Variants in AGBL4 observed in about 807,000 individuals in gnomAD.
The protein encoded by AGBL4 is cytosolic carboxypeptidase 6.
Under a neutral mutation model 66.4 loss-of-function variants are expected in AGBL4, and 58 were observed. The ratio of observed to expected loss-of-function variants is 0.87; its 90% CI spans 0.71 to 1.09. The LOEUF (loss-of-function observed/expected upper bound fraction) is 1.09, where lower values mean the gene tolerates loss of function less well. Among genes scored for constraint, AGBL4 ranks in the 50% least tolerant of loss-of-function variants. The pLI, the probability that AGBL4 is intolerant of heterozygous loss-of-function variation, is 0.00. For missense variants in AGBL4, 579 were observed against 631.0 expected (o/e 0.92, Z 0.88); for synonymous variants, 234 against 222.9 (o/e 1.05, Z -0.44).
intron 2 of AGBL4, among the ~76,000 whole-genome samples, chr1:49,724,200 A>T (rs984377293): frequency 6.6e-6 from 1 of 152,218 alleles, no homozygotes; most frequent in African/African-American, 2.4e-5. Context: ...CAAACAGTGT[A>T]GGGCACTCTC....
At chr1:49,256,832 G>A (rs148337655) in intron 3 of AGBL4, among the ~76,000 whole-genome samples, 1 of 152,194 alleles carries the variant, frequency 6.6e-6, no homozygotes, top group Non-Finnish European at 1.5e-5. Flanking sequence ...GGGAATAGAC[G>A]CAATACATAT....
At position 49,333,848 on chromosome 1, in the gene AGBL4, C is replaced by T. The variant is rs1645382715; in HGVS notation, c.283-87984G>A. On this transcript the variant is annotated intron_variant, in intron 3 of 13. Coordinates refer to ENST00000371839, the MANE Select transcript of AGBL4 (RefSeq NM_032785.4). ...ACTCAATCCAACTGGAAAAATACCA[C>T]TATTTAAATTTGTGGGACTTCCATT... Among the ~76,000 whole-genome samples the T allele has an allele frequency of 2.6e-5, 4 of 152,294 alleles. No homozygotes were observed. The South Asian group carries it at 6.2e-4, about 24-fold the overall frequency.
At chr1:49,027,955 C>T (rs1387274234) in intron 5 of AGBL4, among the ~76,000 whole-genome samples, 1 of 152,106 alleles carries the variant, frequency 6.6e-6, no homozygotes, top group East Asian at 1.9e-4. Context: ...ACTGTCCCTG[C>T]CCCCAGTTCT....
intron 6 of AGBL4, among the ~76,000 whole-genome samples, chr1:48,859,998 C>T (rs879514315): frequency 6.6e-5 from 10 of 152,142 alleles, no homozygotes; most frequent in Admixed American, 5.9e-4. Flanking sequence ...AAGATGTTCA[C>T]ACTACATTCG....
At chr1:49,328,486 TTAA>T (rs548468918) in intron 3 of AGBL4, among the ~76,000 whole-genome samples, 137 of 152,336 alleles carry the variant, frequency 9.0e-4, no homozygotes, top group Middle Eastern at 3.4e-3. Flanking sequence ...TACACTTTTA[TTAA>T]TGGGGTCTAG....
intron 1 of AGBL4, among the ~76,000 whole-genome samples, chr1:49,917,439 G>A (rs1041257016): frequency 1.3e-5 from 2 of 151,844 alleles, no homozygotes; most frequent in African/African-American, 4.8e-5. Flanking sequence ...CAATCCTACT[G>A]TCCGATAAAA....
intron 6 of AGBL4, among the ~76,000 whole-genome samples, chr1:48,724,149 A>G (rs544640540): frequency 9.5e-4 from 145 of 152,254 alleles, no homozygotes; most frequent in African/African-American, 3.3e-3. Flanking sequence ...GAGGAGAGGA[A>G]GCCCAACATT....
chr1:49,212,323 C>T lies in AGBL4; in HGVS notation c.377+33447G>A, dbSNP rs140497996. Among the ~76,000 whole-genome samples, 448 of 152,138 alleles carry T rather than the reference C, an allele frequency of 2.9e-3. 4 individuals carry two copies. The highest frequency in any genetic ancestry group is 0.01 in the African/African-American group (436 of 41,528). On this transcript the variant is annotated intron_variant, in intron 4 of 13. Transcript: ENST00000371839. ...TGAATCTTATCCTTCCAATTTATCC[C>T]ATTAGTTGCAATTCAACAAAGCTAC... is the stretch of plus-strand genomic sequence containing the variant.
chr1:49,487,713 CA>C (rs890332332), intron 3 of AGBL4, among the ~76,000 whole-genome samples: 96 of 151,938 alleles, frequency 6.3e-4, no homozygotes, highest in African/African-American at 2.3e-3. Flanking sequence ...TTCTTCATGG[CA>C]GTGTGAGAAT....
intron 3 of AGBL4, among the ~76,000 whole-genome samples, chr1:49,429,359 G>A (rs988587057): frequency 1.3e-5 from 2 of 152,202 alleles, no homozygotes; most frequent in Non-Finnish European, 2.9e-5. Context: ...TACTCAGGAA[G>A]GAGGCAGAGG....
At chr1:49,107,690 T>TGAGAGA (rs1396823757) in intron 4 of AGBL4, among the ~76,000 whole-genome samples, 2,941 of 106,134 alleles carry the variant, frequency 0.028, 83 homozygotes, top group African/African-American at 0.081. Flanking sequence ...TGTGTGTGTG[T>TGAGAGA]GTGTGAGAGA....
intron 9 of AGBL4, among the ~76,000 whole-genome samples, chr1:48,630,444 C>T (rs972277781): frequency 2.6e-5 from 4 of 152,010 alleles, no homozygotes; most frequent in African/African-American, 7.3e-5. Context: ...CTCCTGGGTT[C>T]CCATCTCAGG....
intron 5 of AGBL4, among the ~76,000 whole-genome samples, chr1:48,939,867 G>T (rs1466743106): frequency 6.6e-6 from 1 of 152,118 alleles, no homozygotes; most frequent in Non-Finnish European, 1.5e-5. Flanking sequence ...ACCCACAGCG[G>T]ACATCTGATA....
chr1:49,510,926 C>G (rs377249756), intron 3 of AGBL4, among the ~76,000 whole-genome samples: 1,707 of 150,628 alleles, frequency 0.011, 14 homozygotes, highest in African/African-American at 0.018. Flanking sequence ...GGGCTCTGTT[C>G]TGTTCCATTG....
intron 3 of AGBL4, among the ~76,000 whole-genome samples, chr1:49,519,381 T>G (rs769444221): frequency 6.6e-6 from 1 of 152,090 alleles, no homozygotes; most frequent in African/African-American, 2.4e-5. Context: ...TAACTGATAT[T>G]AATATTATCA....
intron 1 of AGBL4, among the ~76,000 whole-genome samples, chr1:49,971,205 A>C (rs373668097): frequency 6.6e-6 from 1 of 152,194 alleles, no homozygotes; most frequent in South Asian, 2.1e-4. Context: ...TTTAAATTAC[A>C]TGCTGTTCTG....
At position 49,807,490 on chromosome 1, in the gene AGBL4, G is replaced by T. The variant is rs181696991; in HGVS notation, c.157+43906C>A. On this transcript the variant is annotated intron_variant, in intron 2 of 13. Coordinates refer to ENST00000371839, the MANE Select transcript of AGBL4 (RefSeq NM_032785.4). ...ACTGTCTCACCACTGTAATGTGAAA[G>T]CACATAACATGTGTGATTTCATAGG... is the stretch of plus-strand genomic sequence containing the variant. 1.6e-3 allele frequency among the ~76,000 whole-genome samples: 239 copies of T among 152,320 alleles called. 1 individual carries two copies. The highest frequency in any genetic ancestry group is 4.9e-3 in the African/African-American group (204 of 41,570).
At chr1:49,983,283 G>A (rs1187550516) in intron 1 of AGBL4, among the ~76,000 whole-genome samples, 4 of 152,208 alleles carry the variant, frequency 2.6e-5, no homozygotes, top group South Asian at 2.1e-4. Context: ...AGTTCCTGAC[G>A]TCTCCAAGCT....
intron 4 of AGBL4, among the ~76,000 whole-genome samples, chr1:49,231,458 C>T (rs1009674566): frequency 2.6e-5 from 4 of 152,148 alleles, no homozygotes; most frequent in Non-Finnish European, 4.4e-5. Context: ...CCCTGGGGGA[C>T]CACCAGCACA....
Sources: gnomAD v4.1 joint callset for allele counts (sites outside exome capture counted in the v4.1 genomes callset) on GRCh38, gnomAD v4.1.1 for gene constraint, MANE v1.5 for transcripts, NCBI Gene and HGNC (gene_info 2026-07-23, HGNC 2026-07-21) for gene names.